Variants in ARPP21 observed in about 807,000 individuals in gnomAD.
ARPP21 encodes the protein cAMP regulated phosphoprotein 21.
Under a neutral mutation model 113.2 loss-of-function variants are expected in ARPP21, and 69 were observed. The ratio of observed to expected loss-of-function variants is 0.61; its 90% CI spans 0.50 to 0.74. ARPP21 has a LOEUF of 0.74. Ranked by LOEUF, ARPP21 falls within the 30% of genes least tolerant of loss-of-function variation. ARPP21 has a pLI of 0.00. For synonymous variants in ARPP21, 368 were observed against 375.5 expected (o/e 0.98, Z 0.23); for missense variants, 1,070 against 1,037.4 (o/e 1.03, Z -0.43).
chr3:35,761,347 T>G (rs1025652276), intron 19 of ARPP21, among the ~76,000 whole-genome samples: 2 of 152,112 alleles, frequency 1.3e-5, no homozygotes, highest in African/African-American at 4.8e-5. Context: ...AAATTTGACA[T>G]CTGGCTAGCA....
intron 19 of ARPP21, among the ~76,000 whole-genome samples, chr3:35,753,253 A>C (rs2095464134): frequency 6.6e-6 from 1 of 152,016 alleles, no homozygotes; most frequent in Non-Finnish European, 1.5e-5. Flanking sequence ...ACTGTGGTTA[A>C]ATATTATGAA....
At chr3:35,715,397 T>TA in intron 11 of ARPP21, 42 bp from the exon 12 acceptor site, 1 of 1,575,538 alleles carries the variant, frequency 6.3e-7, no homozygotes, top group Non-Finnish European at 8.7e-7. Flanking sequence ...TCCCTCAGCA[T>TA]ATCCAGAACT....
rs78691462 is a variant in ARPP21, at chr3:35,682,473, T to C, written c.130-375T>C. On this transcript the variant is annotated intron_variant, in intron 3 of 20. Coordinates refer to ENST00000684406, the MANE Select transcript of ARPP21 (RefSeq NM_001385562.1). ...CGGTAGAAGGAAAGCAAACTGCACT[T>C]ACAAATAGCTTGTAAGTATTGATTT... 891 of 184,282 alleles carry C rather than the reference T, an allele frequency of 4.8e-3. 4 individuals carry two copies. The highest frequency in any genetic ancestry group is 0.019 in the South Asian group (104 of 5,420). 11.4% of individuals were successfully genotyped at this position (184,282 alleles called of 1,614,324 possible).
intron 19 of ARPP21, among the ~76,000 whole-genome samples, chr3:35,779,813 G>C (rs1204966543): frequency 3.3e-5 from 5 of 152,178 alleles, no homozygotes; most frequent in Non-Finnish European, 7.4e-5. Flanking sequence ...AACAGAATCT[G>C]TTTCAGATGC....
At chr3:35,786,003 A>G (rs1411763703) in intron 19 of ARPP21, among the ~76,000 whole-genome samples, 3 of 152,242 alleles carry the variant, frequency 2.0e-5, no homozygotes, top group Admixed American at 2.0e-4. Flanking sequence ...CATTTACGTC[A>G]AAGATGAAAG....
chr3:35,699,774 A>G (rs189755337), intron 9 of ARPP21, among the ~76,000 whole-genome samples: 4 of 151,808 alleles, frequency 2.6e-5, no homozygotes, highest in Admixed American at 2.6e-4. Context: ...GTATTTGCAT[A>G]TGGGCTTCAA....
intron 9 of ARPP21, among the ~76,000 whole-genome samples, chr3:35,701,824 A>T (rs1017717367): frequency 6.6e-6 from 1 of 151,478 alleles, no homozygotes; most frequent in African/African-American, 2.4e-5. Context: ...ATTAAATCTG[A>T]TATTTTTTAA....
At chr3:35,763,705 C>T (rs927694793) in intron 19 of ARPP21, among the ~76,000 whole-genome samples, 4 of 152,190 alleles carry the variant, frequency 2.6e-5, no homozygotes, top group South Asian at 2.1e-4. Flanking sequence ...CTGACTTTAG[C>T]GGCAGTTTAG....
chr3:35,737,216 T>C lies in ARPP21; in HGVS notation c.1498T>C (p.Tyr500His). 2 of 1,612,748 alleles carry C rather than the reference T, an allele frequency of 1.2e-6. No individual in the cohort carries two copies. Among genetic ancestry groups the C allele is most frequent in the Non-Finnish European group, 1.7e-6 (2 of 1,179,202 alleles). ...FVNPDGTPAI[Y>H]NPPTSQQPLR... ...GAATCCCGATGGAACTCCTGCAATA[T>C]ACAACCCACCCACCAGTCAGCAGCC... Residue 500 changes from tyrosine (Y) to histidine (H), a missense_variant, in exon 16 of 21, where the codon TAC becomes CAC. Coordinates refer to ENST00000684406, the MANE Select transcript of ARPP21 (RefSeq NM_001385562.1).
intron 1 of ARPP21, among the ~76,000 whole-genome samples, chr3:35,667,996 GAA>G: frequency 6.7e-6 from 1 of 149,468 alleles, no homozygotes; most frequent in Admixed American, 6.7e-5. Context: ...AGAAGAAGAA[GAA>G]GAAGAAGAAG....
rs1204862723 is a variant in ARPP21 at position 35,667,839 on chromosome 3, TCAAAGAAGAAGAAGAAGAAGA to T, written c.-212-11947_-212-11927del. Reference sequence around the variant, plus strand: ...AAGATCACCTGCAGTACTTTTATTCTCAAAGAAGAAGAAGAAGAAGAAGAAGAAGAAGAAGAAGAAGAAGAA... The same window carrying T: ...AAGATCACCTGCAGTACTTTTATTCTAGAAGAAGAAGAAGAAGAAGAAGAA... On this transcript the variant is annotated intron_variant, in intron 1 of 20. Transcript: ENST00000684406. 2.7e-3 allele frequency among the ~76,000 whole-genome samples: 130 copies of T among 48,426 alleles called. 3 individuals are homozygous for T. Among genetic ancestry groups the T allele is most frequent in the African/African-American group, 7.6e-3 (106 of 13,920 alleles). The allele number at this position is 48,426 out of a possible 152,430, so 31.8% of individuals were successfully genotyped here. A position where few individuals can be genotyped will look rare whatever the true frequency, so the allele number is the denominator to read the frequency against.
Position 35,706,970 on chromosome 3 carries a change from G to A in ARPP21, c.687-4G>A, listed in dbSNP as rs1376238654. 6.2e-7 allele frequency: 1 copy of A among 1,607,766 alleles called. No individual in the cohort carries two copies. The highest frequency in any genetic ancestry group is 8.5e-7 in the Non-Finnish European group (1 of 1,177,092). On this transcript the variant is annotated splice_region_variant and splice_polypyrimidine_tract_variant and intron_variant, in intron 9 of 20. Coordinates refer to ENST00000684406, the MANE Select transcript of ARPP21 (RefSeq NM_001385562.1). ...TTTATTGATATGTTTTACTTTGCTG[G>A]CAGACCAGAGCAAAGGTTTTGTGAA...
At chr3:35,647,943 G>T (rs917702717) in intron 1 of ARPP21, among the ~76,000 whole-genome samples, 6 of 152,142 alleles carry the variant, frequency 3.9e-5, no homozygotes, top group Admixed American at 2.0e-4. Flanking sequence ...TCACTTAAAA[G>T]AAACCACTTT....
At chr3:35,719,448 A>G (rs1194205209) in intron 13 of ARPP21, among the ~76,000 whole-genome samples, 1 of 152,192 alleles carries the variant, frequency 6.6e-6, no homozygotes, top group Admixed American at 6.5e-5. Context: ...AGGTTGCCTT[A>G]TTGAGCAGGT....
At chr3:35,658,238 T>A (rs1575498861) in intron 1 of ARPP21, among the ~76,000 whole-genome samples, 1 of 152,114 alleles carries the variant, frequency 6.6e-6, no homozygotes, top group Admixed American at 6.6e-5. Context: ...TGTGTTTGAA[T>A]AATTTTTATG....
chr3:35,779,007 A>G (rs2096458484), intron 19 of ARPP21, among the ~76,000 whole-genome samples: 1 of 152,224 alleles, frequency 6.6e-6, no homozygotes, highest in South Asian at 2.1e-4. Context: ...GGATAGAATG[A>G]TAGAAATGAG....
chr3:35,710,189 T>C (rs907503438), intron 11 of ARPP21, among the ~76,000 whole-genome samples: 1 of 152,146 alleles, frequency 6.6e-6, no homozygotes, highest in Non-Finnish European at 1.5e-5. Flanking sequence ...CTAAGAGCTC[T>C]GAAATTAGAA....
At chr3:35,700,450 T>A (rs997735019) in intron 9 of ARPP21, among the ~76,000 whole-genome samples, 1 of 151,720 alleles carries the variant, frequency 6.6e-6, no homozygotes, top group Admixed American at 6.6e-5. Context: ...AGTCATTGTA[T>A]GTATTAATGC....
chr3:35,720,849 T>C (rs756974644), intron 13 of ARPP21, among the ~76,000 whole-genome samples: 7 of 152,214 alleles, frequency 4.6e-5, no homozygotes, highest in Admixed American at 2.0e-4. Context: ...TTTGAACAAA[T>C]GTGTTCTTTC....
Sources: gnomAD v4.1 joint callset for allele counts (sites outside exome capture counted in the v4.1 genomes callset) on GRCh38, gnomAD v4.1.1 for gene constraint, MANE v1.5 for transcripts, NCBI Gene and HGNC (gene_info 2026-07-23, HGNC 2026-07-21) for gene names.